The following MSL2 variants were observed in gnomAD, a reference collection of about 807,000 sequenced individuals.
MSL2 encodes MSL complex subunit 2, also known as E3 ubiquitin-protein ligase MSL2.
A neutral mutation model predicts 35.8 loss-of-function variants in MSL2; 2 were observed. The ratio of observed to expected loss-of-function variants is 0.06; its 90% confidence interval spans 0.02 to 0.18. The LOEUF (loss-of-function observed/expected upper bound fraction) is 0.18, where lower values mean the gene tolerates loss of function less well. Among genes scored for constraint, MSL2 ranks in the 10% least tolerant of loss-of-function variants. The pLI is 1.00. For missense variants in MSL2, 523 were observed against 706.7 expected (o/e 0.74, Z 2.95); for synonymous variants, 296 against 255.7 (o/e 1.16, Z -1.50).
chr3:136,161,406 A>G (rs1186183696), intron 1 of MSL2, among the ~76,000 whole-genome samples: 1 of 152,196 alleles, frequency 6.6e-6, no homozygotes, highest in East Asian at 1.9e-4. Flanking sequence ...CACACAGAAA[A>G]ACGTATGTGA....
intron 1 of MSL2, among the ~76,000 whole-genome samples, chr3:136,185,507 T>C (rs760317030): frequency 6.9e-6 from 1 of 144,964 alleles, no homozygotes. Context: ...CCAGAATAAC[T>C]TGGGACACAA....
chr3:136,159,650 G>C (rs932414843), intron 1 of MSL2, among the ~76,000 whole-genome samples: 1 of 151,654 alleles, frequency 6.6e-6, no homozygotes, highest in Non-Finnish European at 1.5e-5. Flanking sequence ...GATTACAGGC[G>C]TGAGCCACCA....
intron 1 of MSL2, among the ~76,000 whole-genome samples, chr3:136,174,831 AATATGT>A (rs200405843): frequency 6.6e-6 from 1 of 152,242 alleles, no homozygotes; most frequent in African/African-American, 2.4e-5. Flanking sequence ...CAGAAACCTT[AATATGT>A]ATATGTATAT....
At chr3:136,159,729 A>G (rs2108065825) in intron 1 of MSL2, among the ~76,000 whole-genome samples, 1 of 152,214 alleles carries the variant, frequency 6.6e-6, no homozygotes. Context: ...CCAAAAGGAA[A>G]AAAACAAACT....
chr3:136,152,965 TTC>T (rs1271068275), intron 1 of MSL2: 1 of 985,312 alleles, frequency 1.0e-6, no homozygotes, highest in Non-Finnish European at 1.2e-6. Flanking sequence ...TCATCCTTGA[TTC>T]TGTGTCTCTC....
chr3:136,149,950 GCT>G lies in MSL2; in HGVS notation c.*1195_*1196del, dbSNP rs1939301827. The G allele has an allele frequency of 6.6e-6, 1 of 152,596 alleles. No homozygotes were observed. The highest frequency in any genetic ancestry group is 6.5e-5 in the Admixed American group (1 of 15,270). 9.5% of individuals were successfully genotyped at this position (152,596 alleles called of 1,614,324 possible). ...TCAGTCCTTGTTTTATTTGGGCTGT[GCT>G]CTTTCAAGCAACTGACTAGATTTCC... On this transcript the variant is annotated 3_prime_UTR_variant, in exon 2 of 2. Transcript: ENST00000309993.
chr3:136,163,260 A>AATAAAT (rs555283083), intron 1 of MSL2, among the ~76,000 whole-genome samples: 86 of 152,334 alleles, frequency 5.6e-4, no homozygotes, highest in Non-Finnish European at 3.8e-4. Context: ...CTCCGTCTCA[A>AATAAAT]ATAAATATAA....
In MSL2 at chr3:136,171,289, T is replaced by C. The variant is rs141743064; in HGVS notation, c.143-18551A>G. ...GAAGAGCTTCTCTCAGGATTATCAT[T>C]TGTAAAGGAAGGAAGGAAGTGGCTG... On this transcript the variant is annotated intron_variant, in intron 1 of 1. Coordinates refer to ENST00000309993, the MANE Select transcript of MSL2 (RefSeq NM_018133.4). 7.5e-3 allele frequency among the ~76,000 whole-genome samples: 1,140 copies of C among 152,202 alleles called. 18 individuals carry two copies. The highest frequency in any genetic ancestry group is 0.026 in the African/African-American group (1,076 of 41,526).
Position 136,152,697 on chromosome 3 carries a change from A to T in MSL2, c.184T>A (p.Cys62Ser). 6.2e-7 allele frequency: 1 copy of T among 1,614,174 alleles called. No individual in the cohort carries two copies. The highest frequency in any genetic ancestry group is 8.5e-7 in the Non-Finnish European group (1 of 1,180,030). The change falls in exon 2 of 2, where the codon TGC becomes AGC. Residue 62 changes from cysteine to serine, a missense_variant. Cys to Ser is a moderately radical substitution (Grantham distance 112). Coordinates refer to ENST00000309993, the MANE Select transcript of MSL2 (RefSeq NM_018133.4). ...CAAGTTTTGCAGACATAATGTTGGC[A>T]GGTGGAGTTGGTGGGTGCAATAGGA... Reference protein sequence around the residue: ...QDPIAPTNSTCQHYVCKTCKG... With the variant: ...QDPIAPTNSTSQHYVCKTCKG...
intron 1 of MSL2, among the ~76,000 whole-genome samples, chr3:136,163,403 G>C (rs541708118): frequency 6.6e-6 from 1 of 152,094 alleles, no homozygotes; most frequent in Non-Finnish European, 1.5e-5. Context: ...CCACTGAAGA[G>C]GCCTGGAAAC....
At chr3:136,192,349 G>A (rs1490362602) in intron 1 of MSL2, among the ~76,000 whole-genome samples, 2 of 151,840 alleles carry the variant, frequency 1.3e-5, no homozygotes, top group African/African-American at 4.8e-5. Context: ...CAGCTAATTT[G>A]TGTATTTTTA....
intron 1 of MSL2, among the ~76,000 whole-genome samples, chr3:136,182,027 TAAAC>T (rs553103560): frequency 1.2e-3 from 177 of 152,146 alleles, no homozygotes; most frequent in Admixed American, 2.2e-3. Flanking sequence ...AATCAAAACT[TAAAC>T]AAGATGAAAA....
rs1318533009 is a variant in MSL2, at chr3:136,148,946, G to T, written c.*2201C>A. 2 of 152,498 alleles carry T rather than the reference G, an allele frequency of 1.3e-5. No homozygotes were observed. Among genetic ancestry groups the T allele is most frequent in the Non-Finnish European group, 2.9e-5 (2 of 68,006 alleles). The allele number at this position is 152,498 out of a possible 1,614,324, so 9.4% of individuals were successfully genotyped here. The stretch of plus-strand genomic sequence containing the variant: ...ATTAGAAAACTATCATTTATTGATA[G>T]ATTTAAGGTGTAATACAGGTTTCCA... On this transcript the variant is annotated 3_prime_UTR_variant, in exon 2 of 2. Coordinates refer to ENST00000309993, the MANE Select transcript of MSL2 (RefSeq NM_018133.4).
chr3:136,180,214 T>A (rs950157904), intron 1 of MSL2, among the ~76,000 whole-genome samples: 1 of 151,084 alleles, frequency 6.6e-6, no homozygotes, highest in Non-Finnish European at 1.5e-5. Flanking sequence ...CCGACTAAAA[T>A]TTTTTTTTAA....
In MSL2 at chr3:136,195,214, G is replaced by C; in HGVS notation, c.-101C>G. On this transcript the variant is annotated 5_prime_UTR_variant, in exon 1 of 2. Transcript: ENST00000309993. ...ATGGCGAATTTGCAACAATTCGGAAGAAATCAGAGCCGAACCATTGGCCAA... is the reference window on the plus strand; with the variant it reads ...ATGGCGAATTTGCAACAATTCGGAACAAATCAGAGCCGAACCATTGGCCAA... 1.3e-6 allele frequency: 2 copies of C among 1,531,776 alleles called. No individual in the cohort carries two copies. The highest frequency in any genetic ancestry group is 1.7e-6 in the Non-Finnish European group (2 of 1,144,132). 94.9% of individuals were successfully genotyped at this position (1,531,776 alleles called of 1,614,324 possible). A position where few individuals can be genotyped will look rare whatever the true frequency, so the allele number is the denominator to read the frequency against.
At chr3:136,153,989 A>C (rs1559956366) in intron 1 of MSL2, among the ~76,000 whole-genome samples, 1 of 152,030 alleles carries the variant, frequency 6.6e-6, no homozygotes, top group Non-Finnish European at 1.5e-5. Flanking sequence ...AGGCTGAGGC[A>C]GGAGAATCCC....
chr3:136,159,726 G>GA (rs1373677936), intron 1 of MSL2, among the ~76,000 whole-genome samples: 1 of 151,534 alleles, frequency 6.6e-6, no homozygotes, highest in Non-Finnish European at 1.5e-5. Flanking sequence ...ATGCCAAAAG[G>GA]AAAAAAACAA....
chr3:136,152,059 G>A lies in MSL2; in HGVS notation c.822C>T (p.Leu274=). 5 of 1,614,144 alleles carry A rather than the reference G, an allele frequency of 3.1e-6. No individual in the cohort carries two copies. Among genetic ancestry groups the A allele is most frequent in the Non-Finnish European group, 4.2e-6 (5 of 1,180,036 alleles). The change falls in exon 2 of 2, where the codon CTC becomes CTT. Residue 274 remains leucine (L), a synonymous_variant. Transcript: ENST00000309993. ...TATTTGAAACAGTTTCTAAGCTGCGGAGTACTTCCTCAACACTCAGTAACA... is the reference window on the plus strand; with the variant it reads ...TATTTGAAACAGTTTCTAAGCTGCGAAGTACTTCCTCAACACTCAGTAACA... ...DSLLLSVEEV[L]RSLETVSNTE...
intron 1 of MSL2, among the ~76,000 whole-genome samples, chr3:136,183,683 A>G (rs1054429718): frequency 3.3e-5 from 5 of 152,212 alleles, no homozygotes; most frequent in African/African-American, 1.2e-4. Context: ...ACTATATTCC[A>G]TAAGTTCCAA....
Sources: allele counts gnomAD v4.1 joint callset (sites outside exome capture counted in the v4.1 genomes callset), GRCh38; gene constraint gnomAD v4.1.1; transcripts MANE v1.5; gene names NCBI Gene and HGNC (gene_info 2026-07-23, HGNC 2026-07-21).